Variants in CD2AP observed in about 807,000 individuals in gnomAD.
The protein encoded by CD2AP is CD2-associated protein.
In CD2AP, 46 loss-of-function variants were observed where a neutral mutation model predicts 85.1. That is an observed-to-expected ratio of 0.54 (90% CI 0.43 to 0.69). The LOEUF is 0.69. CD2AP is among the 30% of genes least tolerant of loss of function. CD2AP has a pLI of 0.00. For missense variants in CD2AP, 769 were observed against 729.5 expected (o/e 1.05, Z -0.62); for synonymous variants, 255 against 252.9 (o/e 1.01, Z -0.08).
chr6:47,605,605 C>T (rs1229268590), intron 13 of CD2AP, among the ~76,000 whole-genome samples: 1 of 151,752 alleles, frequency 6.6e-6, no homozygotes, highest in Non-Finnish European at 1.5e-5. Flanking sequence ...CAGTTTGAGT[C>T]CCACCTAATA....
chr6:47,608,621 C>T (rs1769339283), intron 15 of CD2AP, among the ~76,000 whole-genome samples: 1 of 152,124 alleles, frequency 6.6e-6, no homozygotes, highest in South Asian at 2.1e-4. Flanking sequence ...TCTCAGCTGT[C>T]AGCAGTCTAT....
chr6:47,527,377 C>T (rs1273959391), intron 2 of CD2AP, among the ~76,000 whole-genome samples: 1 of 152,072 alleles, frequency 6.6e-6, no homozygotes, highest in African/African-American at 2.4e-5. Flanking sequence ...TTCTTATATC[C>T]AAGAGACCAA....
At chr6:47,488,414 A>G (rs964231071) in intron 1 of CD2AP, among the ~76,000 whole-genome samples, 1 of 152,142 alleles carries the variant, frequency 6.6e-6, no homozygotes, top group South Asian at 2.1e-4. Flanking sequence ...TAGTAGCTAC[A>G]TTTAAAAAGG....
In CD2AP at chr6:47,603,274, T is replaced by C. The variant is rs546849180; in HGVS notation, c.1418-2891T>C. On this transcript the variant is annotated intron_variant, in intron 13 of 17. Transcript: ENST00000359314. ...TTTAAAGATAGTATTGAGTCATATT[T>C]TTATAGTGAGATATTTTAAAGTAAT... Among the ~76,000 whole-genome samples, 3 of 152,220 alleles carry C rather than the reference T, an allele frequency of 2.0e-5. No homozygotes were observed. In the East Asian group the frequency reaches 5.8e-4, roughly 29 times the overall value.
rs1217894589 is a variant in CD2AP at position 47,625,916 on chromosome 6, T to C, written c.*1689T>C. On this transcript the variant is annotated 3_prime_UTR_variant, in exon 18 of 18. Coordinates refer to ENST00000359314, the MANE Select transcript of CD2AP (RefSeq NM_012120.3). ...GTCACTACTGAACAAAATTGTTCCC[T>C]CTTCTGTTAAATAGAATAGGTTTAA... 2.0e-5 allele frequency: 3 copies of C among 151,938 alleles called. No homozygotes were observed. The highest frequency in any genetic ancestry group is 4.4e-5 in the Non-Finnish European group (3 of 67,794). The allele number at this position is 151,938 out of a possible 1,614,324, so 9.4% of individuals were successfully genotyped here.
intron 17 of CD2AP, among the ~76,000 whole-genome samples, chr6:47,612,997 TCAC>T (rs1408928191): frequency 1.3e-5 from 2 of 152,150 alleles, no homozygotes; most frequent in Non-Finnish European, 2.9e-5. Flanking sequence ...CACAGGATCT[TCAC>T]CAACAGTAGA....
intron 7 of CD2AP, 108 bp from the exon 8 acceptor site, chr6:47,576,901 T>C (rs1056704487): frequency 9.5e-6 from 7 of 738,776 alleles, no homozygotes; most frequent in Non-Finnish European, 1.7e-5. Flanking sequence ...GATAATTAAG[T>C]TCATCTCTAA....
At chr6:47,540,546 T>G (rs991126326) in intron 3 of CD2AP, among the ~76,000 whole-genome samples, 27 of 152,180 alleles carry the variant, frequency 1.8e-4, no homozygotes, top group African/African-American at 5.3e-4. Flanking sequence ...ATGTGACTCC[T>G]TCCTTTGATT....
At chr6:47,562,622 G>A (rs1767891393) in intron 5 of CD2AP, 1 of 454,738 alleles carries the variant, frequency 2.2e-6, no homozygotes, top group African/African-American at 1.9e-5. Flanking sequence ...TGCTGTGGTA[G>A]AAGAGGGTAT....
intron 5 of CD2AP, among the ~76,000 whole-genome samples, chr6:47,563,184 C>T (rs1042699919): frequency 5.3e-5 from 8 of 152,212 alleles, no homozygotes; most frequent in African/African-American, 1.2e-4. Flanking sequence ...ATTTTCTGAG[C>T]GTATGTAATC....
At chr6:47,549,162 T>C (rs1767446754) in intron 4 of CD2AP, among the ~76,000 whole-genome samples, 1 of 152,174 alleles carries the variant, frequency 6.6e-6, no homozygotes, top group South Asian at 2.1e-4. Flanking sequence ...ATGCCTGCTC[T>C]CACCACTCCT....
In CD2AP at chr6:47,609,631, C is replaced by T. The variant is rs1013834664; in HGVS notation, c.1814+327C>T. 10 of 241,070 alleles carry T rather than the reference C, an allele frequency of 4.1e-5. No homozygotes were observed. In the Middle Eastern group the frequency reaches 5.1e-3, roughly 123 times the overall value. 14.9% of individuals were successfully genotyped at this position (241,070 alleles called of 1,614,324 possible). A position where few individuals can be genotyped will look rare whatever the true frequency, so the allele number is the denominator to read the frequency against. On this transcript the variant is annotated intron_variant, in intron 16 of 17. Transcript: ENST00000359314. ...GGAGGATGTCTTGAGCCTGGGAAGT[C>T]AAGGCTGCAGTGAGCCGTGAACATG...
intron 2 of CD2AP, among the ~76,000 whole-genome samples, chr6:47,508,340 T>C (rs748808287): frequency 6.6e-6 from 1 of 152,216 alleles, no homozygotes; most frequent in Non-Finnish European, 1.5e-5. Context: ...TGCACTATTA[T>C]GTTATAGAAA....
chr6:47,495,502 G>A (rs1325142390), intron 1 of CD2AP, among the ~76,000 whole-genome samples: 2 of 152,180 alleles, frequency 1.3e-5, no homozygotes, highest in African/African-American at 4.8e-5. Flanking sequence ...TACCCACTTT[G>A]TGATGGTTTG....
At chr6:47,500,120 AC>A (rs370172226) in intron 1 of CD2AP, among the ~76,000 whole-genome samples, 39 of 152,304 alleles carry the variant, frequency 2.6e-4, no homozygotes, top group African/African-American at 9.4e-4. Context: ...GCTCTGAGAA[AC>A]CAGCATTCAT....
chr6:47,519,383 TA>T (rs1766528244), intron 2 of CD2AP, among the ~76,000 whole-genome samples: 1 of 152,200 alleles, frequency 6.6e-6, no homozygotes, highest in Non-Finnish European at 1.5e-5. Context: ...GGTTTCTAGC[TA>T]CTCTACTAGA....
chr6:47,579,256 G>C, intron 8 of CD2AP, 129 bp from the exon 9 acceptor site: 1 of 646,254 alleles, frequency 1.5e-6, no homozygotes, highest in Non-Finnish European at 2.8e-6. Context: ...GATCACTTGA[G>C]CCCAGGAGGT....
At chr6:47,516,987 T>C (rs943711012) in intron 2 of CD2AP, among the ~76,000 whole-genome samples, 1 of 152,166 alleles carries the variant, frequency 6.6e-6, no homozygotes, top group Non-Finnish European at 1.5e-5. Flanking sequence ...ATGTGATTCC[T>C]AATATGGGAG....
At chr6:47,549,529 A>G (rs1479991372) in intron 4 of CD2AP, among the ~76,000 whole-genome samples, 6 of 151,954 alleles carry the variant, frequency 3.9e-5, no homozygotes, top group African/African-American at 1.2e-4. Flanking sequence ...GACCTCAACA[A>G]GAAAAACTAC....
Sources: allele counts gnomAD v4.1 joint callset (sites outside exome capture counted in the v4.1 genomes callset), GRCh38; gene constraint gnomAD v4.1.1; transcripts MANE v1.5; gene names NCBI Gene and HGNC (gene_info 2026-07-23, HGNC 2026-07-21).